The following PXDNL variants were observed in gnomAD, a reference collection of about 807,000 sequenced individuals.
PXDNL encodes the protein probable oxidoreductase PXDNL.
A neutral mutation model predicts 150.8 loss-of-function variants in PXDNL; 145 were observed. That is an observed-to-expected ratio of 0.96 (90% CI 0.84 to 1.10). The LOEUF (loss-of-function observed/expected upper bound fraction) is 1.10. PXDNL is among the 50% of genes least tolerant of loss of function. The probability of loss-of-function intolerance (pLI) is 0.00; values close to 1 mark genes in which losing one functional copy is unlikely to be tolerated. For missense variants in PXDNL, 2,087 were observed against 1,873.9 expected (o/e 1.11, Z -2.10); for synonymous variants, 757 against 725.7 (o/e 1.04, Z -0.69).
intron 3 of PXDNL, among the ~76,000 whole-genome samples, chr8:51,563,405 G>C (rs1812755610): frequency 6.6e-6 from 1 of 151,766 alleles, no homozygotes; most frequent in African/African-American, 2.4e-5. Context: ...TCCCATACAG[G>C]GGCTCCACAC....
intron 12 of PXDNL, among the ~76,000 whole-genome samples, chr8:51,441,259 G>A (rs1809541819): frequency 6.6e-6 from 1 of 152,188 alleles, no homozygotes; most frequent in Non-Finnish European, 1.5e-5. Context: ...ATACAGAACT[G>A]TGAGCCAATT....
chr8:51,768,484 T>G (rs1422354899), intron 1 of PXDNL, among the ~76,000 whole-genome samples: 1 of 152,212 alleles, frequency 6.6e-6, no homozygotes, highest in African/African-American at 2.4e-5. Context: ...CTTCATTATA[T>G]TCAAGTTTAT....
At chr8:51,733,812 A>AATATATATATATATATAT (rs9298461) in intron 1 of PXDNL, among the ~76,000 whole-genome samples, 11 of 138,396 alleles carry the variant, frequency 7.9e-5, no homozygotes, top group African/African-American at 3.0e-4. Context: ...TGTCTCAAAT[A>AATATATATATATATATAT]ATATATATAT....
intron 3 of PXDNL, among the ~76,000 whole-genome samples, chr8:51,588,312 T>G (rs927813730): frequency 1.3e-5 from 2 of 152,348 alleles, no homozygotes; most frequent in Admixed American, 1.3e-4. Context: ...AATGGTTACT[T>G]GGCAATGTTA....
chr8:51,612,478 A>C (rs569273703), intron 2 of PXDNL, among the ~76,000 whole-genome samples: 1 of 152,244 alleles, frequency 6.6e-6, no homozygotes, highest in African/African-American at 2.4e-5. Flanking sequence ...TAGGGGTGGT[A>C]AAGTCTGCCA....
intron 19 of PXDNL, among the ~76,000 whole-genome samples, chr8:51,361,960 A>AAAAAAAAAAG (rs1563374211): frequency 6.0e-5 from 9 of 148,892 alleles, no homozygotes; most frequent in African/African-American, 2.3e-4. Context: ...AAAAAAAAAA[A>AAAAAAAAAAG]AAAAAGAAAA....
intron 1 of PXDNL, among the ~76,000 whole-genome samples, chr8:51,693,460 A>G (rs545770801): frequency 6.6e-6 from 1 of 152,318 alleles, no homozygotes; most frequent in Admixed American, 6.5e-5. Context: ...CTTGCACAAC[A>G]TAAACTGTTC....
chr8:51,450,136 G>A (rs1809770151), intron 10 of PXDNL, among the ~76,000 whole-genome samples: 1 of 152,188 alleles, frequency 6.6e-6, no homozygotes, highest in South Asian at 2.1e-4. Context: ...CATTGCCATG[G>A]CATTTGTAAA....
At position 51,733,812 on chromosome 8, in the gene PXDNL, A is replaced by AATATATATATATATATATATAT. The variant is rs9298461; in HGVS notation, c.164+75368_164+75369insATATATATATATATATATATAT. ...GACACAGCAAGACTCTGTCTCAAATAATATATATATATATATATATAATTT... is the reference window on the plus strand; with the variant it reads ...GACACAGCAAGACTCTGTCTCAAATAATATATATATATATATATATATATATATATATATATATATATAATTT... On this transcript the variant is annotated intron_variant, in intron 1 of 22. Transcript: ENST00000356297. 8.7e-5 allele frequency among the ~76,000 whole-genome samples: 12 copies of AATATATATATATATATATATAT among 138,384 alleles called. 1 individual carries two copies. Among genetic ancestry groups the AATATATATATATATATATATAT allele is most frequent in the African/African-American group, 3.3e-4 (12 of 36,876 alleles). 90.8% of individuals were successfully genotyped at this position (138,384 alleles called of 152,430 possible).
chr8:51,579,151 G>A (rs1407458540), intron 3 of PXDNL, among the ~76,000 whole-genome samples: 3 of 151,968 alleles, frequency 2.0e-5, no homozygotes, highest in African/African-American at 7.2e-5. Flanking sequence ...AAAAGACCCT[G>A]TTAAGAAGAC....
At chr8:51,552,626 A>G (rs1563461418) in intron 4 of PXDNL, among the ~76,000 whole-genome samples, 1 of 152,188 alleles carries the variant, frequency 6.6e-6, no homozygotes. Context: ...GAACTAAGCT[A>G]TGAGGATGCA....
intron 7 of PXDNL, among the ~76,000 whole-genome samples, chr8:51,474,541 A>C (rs965521636): frequency 3.3e-5 from 5 of 152,212 alleles, no homozygotes; most frequent in African/African-American, 1.2e-4. Context: ...TTAAAAAATC[A>C]ATTACTGAAT....
intron 17 of PXDNL, among the ~76,000 whole-genome samples, chr8:51,377,145 A>ACACACACACAC (rs1358819431): frequency 3.5e-5 from 2 of 57,876 alleles, no homozygotes; most frequent in Non-Finnish European, 1.0e-4. Context: ...CACACACACA[A>ACACACACACAC]AGCCAAAGCC....
At chr8:51,567,931 T>A (rs1237087394) in intron 3 of PXDNL, among the ~76,000 whole-genome samples, 1 of 151,738 alleles carries the variant, frequency 6.6e-6, no homozygotes, top group African/African-American at 2.4e-5. Flanking sequence ...AAGAAAAAAG[T>A]CCCTATATGT....
rs372097819 is a variant in PXDNL, at chr8:51,409,170, C to T, written c.2454G>A (p.Val818=). The change falls in exon 17 of 23, where the codon GTG becomes GTA. Residue 818 remains valine (V), a synonymous_variant. Transcript: ENST00000356297. ...WFLEHDLDHT[V]PALSTARFSD... Reference sequence around the variant, plus strand: ...AGAAGCGGGCTGTGCTCAGCGCAGGCACTGTGTGGTCCAAGTCGTGCTCTA... The same window carrying T: ...AGAAGCGGGCTGTGCTCAGCGCAGGTACTGTGTGGTCCAAGTCGTGCTCTA... 5.0e-6 allele frequency: 8 copies of T among 1,599,168 alleles called. No homozygotes were observed. Among genetic ancestry groups the T allele is most frequent in the Non-Finnish European group, 6.8e-6 (8 of 1,176,894 alleles).
chr8:51,602,602 TGAAA>T (rs1389118504), intron 2 of PXDNL, among the ~76,000 whole-genome samples: 3 of 151,872 alleles, frequency 2.0e-5, no homozygotes, highest in African/African-American at 7.2e-5. Context: ...AAATGTTATT[TGAAA>T]GAAAGATCTA....
Position 51,654,755 on chromosome 8 carries a change from A to AAGTCTC in PXDNL, c.165-1_169dup (p.Asp56_Leu57insTer). On this transcript the variant is annotated stop_gained, in exon 2 of 23. Coordinates refer to ENST00000356297, the MANE Select transcript of PXDNL (RefSeq NM_144651.5). LOFTEE classifies it high-confidence loss of function. ...AATTTCTCTTATTCTGTTAAACCTC[A>AAGTCTC]AGTCTCTGGGAACATAAAAAGGTGA... The AAGTCTC allele has an allele frequency of 6.2e-7, 1 of 1,612,228 alleles. No individual in the cohort carries two copies. The highest frequency in any genetic ancestry group is 8.5e-7 in the Non-Finnish European group (1 of 1,178,606).
At chr8:51,613,761 T>G (rs1482039025) in intron 2 of PXDNL, among the ~76,000 whole-genome samples, 2 of 152,136 alleles carry the variant, frequency 1.3e-5, no homozygotes, top group Non-Finnish European at 2.9e-5. Flanking sequence ...AAATGCAAAC[T>G]CCACGAGGCA....
At chr8:51,659,829 T>C (rs1253630867) in intron 1 of PXDNL, among the ~76,000 whole-genome samples, 2 of 152,066 alleles carry the variant, frequency 1.3e-5, no homozygotes, top group Non-Finnish European at 2.9e-5. Context: ...AATACAGTTA[T>C]CTATGACTGT....
Sources: gnomAD v4.1 joint callset for allele counts (sites outside exome capture counted in the v4.1 genomes callset) on GRCh38, gnomAD v4.1.1 for gene constraint, MANE v1.5 for transcripts, NCBI Gene and HGNC (gene_info 2026-07-23, HGNC 2026-07-21) for gene names.